Variants in TMCC1 observed in about 807,000 individuals in gnomAD.
The protein encoded by TMCC1 is transmembrane and coiled-coil domain family 1, also known as transmembrane and coiled-coil domains protein 1.
In TMCC1, 15 loss-of-function variants were observed where a neutral mutation model predicts 52.4. The observed-to-expected ratio is 0.29, with a 90% confidence interval of 0.19 to 0.44. TMCC1 has a LOEUF of 0.44. Ranked by LOEUF, TMCC1 falls within the 20% of genes least tolerant of loss-of-function variation. The pLI, the probability that TMCC1 is intolerant of heterozygous loss-of-function variation, is 1.00. For missense variants in TMCC1, 503 were observed against 806.0 expected (o/e 0.62, Z 4.55); for synonymous variants, 279 against 301.9 (o/e 0.92, Z 0.79).
At chr3:129,834,530 A>G (rs1184432097) in intron 2 of TMCC1, among the ~76,000 whole-genome samples, 1 of 152,176 alleles carries the variant, frequency 6.6e-6, no homozygotes, top group Non-Finnish European at 1.5e-5. Context: ...TTTTGACTTG[A>G]TATAACAGAA....
At chr3:129,869,118 CA>C (rs2060796359) in intron 2 of TMCC1, 1 of 151,986 alleles carries the variant, frequency 6.6e-6, no homozygotes, top group Non-Finnish European at 1.5e-5. Context: ...GGCTGGTTGC[CA>C]GGGGAACCAA....
intron 2 of TMCC1, among the ~76,000 whole-genome samples, chr3:129,866,300 A>AATATATACATATATTATATATAC (rs1577143347): frequency 2.4e-5 from 3 of 123,294 alleles, no homozygotes; most frequent in Admixed American, 8.0e-5. Flanking sequence ...CATAATATAT[A>AATATATACATATATTATATATAC]ATATATACAT....
At chr3:129,687,138 C>G (rs1489022025) in intron 4 of TMCC1, among the ~76,000 whole-genome samples, 2 of 152,066 alleles carry the variant, frequency 1.3e-5, no homozygotes, top group Non-Finnish European at 2.9e-5. Flanking sequence ...GTTGTATTTA[C>G]AAGGCTTACA....
chr3:129,655,479 A>T (rs2086612370), intron 5 of TMCC1, among the ~76,000 whole-genome samples: 1 of 152,132 alleles, frequency 6.6e-6, no homozygotes, highest in Admixed American at 6.5e-5. Context: ...AAGATAACAC[A>T]CCAATGGAAA....
intron 2 of TMCC1, among the ~76,000 whole-genome samples, chr3:129,858,694 T>G (rs1421574612): frequency 6.6e-6 from 1 of 152,150 alleles, no homozygotes; most frequent in African/African-American, 2.4e-5. Flanking sequence ...TATAAAATGT[T>G]TTCTATACTC....
At chr3:129,832,575 T>C (rs540115789) in intron 3 of TMCC1, among the ~76,000 whole-genome samples, 199 bp downstream of exon 3, 1 of 152,378 alleles carries the variant, frequency 6.6e-6, no homozygotes, top group East Asian at 1.9e-4. Context: ...GAAAAAATTA[T>C]GTTTTTAAAA....
rs553683914 is a variant in TMCC1, at chr3:129,843,346, C to CA, written c.-183-10521dup. On this transcript the variant is annotated intron_variant, in intron 2 of 6. Coordinates refer to ENST00000393238, the MANE Select transcript of TMCC1 (RefSeq NM_001017395.5). ...TAGGAGACACAGCAAGACACCGTCT[C>CA]AAAAAAAAAAGAAGGAAAAAATAAT... 9.4e-3 allele frequency among the ~76,000 whole-genome samples: 1,307 copies of CA among 138,830 alleles called. 10 individuals carry two copies. Among genetic ancestry groups the CA allele is most frequent in the Middle Eastern group, 0.018 (5 of 274 alleles). 91.1% of individuals were successfully genotyped at this position (138,830 alleles called of 152,430 possible).
At chr3:129,789,953 A>G (rs1033183226) in intron 4 of TMCC1, among the ~76,000 whole-genome samples, 1 of 152,146 alleles carries the variant, frequency 6.6e-6, no homozygotes, top group Non-Finnish European at 1.5e-5. Context: ...GATGCCACAA[A>G]CTTATTTCTC....
chr3:129,713,020 G>C (rs2048818061), intron 4 of TMCC1, among the ~76,000 whole-genome samples: 1 of 152,088 alleles, frequency 6.6e-6, no homozygotes, highest in African/African-American at 2.4e-5. Context: ...CCAGCACTTT[G>C]GGGTGCCAAG....
At chr3:129,720,926 C>T (rs949352475) in intron 4 of TMCC1, among the ~76,000 whole-genome samples, 3 of 152,132 alleles carry the variant, frequency 2.0e-5, no homozygotes, top group African/African-American at 4.8e-5. Context: ...CTCCTGACCT[C>T]AAGTGATCCT....
chr3:129,654,982 C>T lies in TMCC1; in HGVS notation c.1633G>A (p.Ala545Thr). The T allele has an allele frequency of 1.2e-6, 2 of 1,614,040 alleles. No homozygotes were observed. Among genetic ancestry groups the T allele is most frequent in the South Asian group, 1.1e-5 (1 of 91,070 alleles). Reference sequence around the variant, plus strand: ...TTCATACTAACCTGGATGTCCCGGGCCCGTTCATAGGACTGATACGCGATT... The same window carrying T: ...TTCATACTAACCTGGATGTCCCGGGTCCGTTCATAGGACTGATACGCGATT... ...EKIAYQSYER[A>T]RDIQEALEAC... Residue 545 changes from alanine (A) to threonine (T), a missense_variant, in exon 6 of 7, where the codon GCC becomes ACC. Ala to Thr is a moderately conservative substitution (Grantham distance 58). Around this residue, in one of 7 missense-constraint regions of TMCC1, gnomAD observed 121 missense variants for 193.6 expected, o/e 0.62. Coordinates refer to ENST00000393238, the MANE Select transcript of TMCC1 (RefSeq NM_001017395.5).
intron 4 of TMCC1, among the ~76,000 whole-genome samples, chr3:129,726,096 G>A (rs1409757841): frequency 6.6e-6 from 1 of 152,098 alleles, no homozygotes; most frequent in Non-Finnish European, 1.5e-5. Flanking sequence ...GGGCCAAAAG[G>A]GAATAGGCAT....
At chr3:129,827,490 C>A (rs2058708355) in intron 4 of TMCC1, among the ~76,000 whole-genome samples, 1 of 152,090 alleles carries the variant, frequency 6.6e-6, no homozygotes, top group East Asian at 1.9e-4. Context: ...CAATAAGAAA[C>A]AAAGCATCTT....
At chr3:129,684,189 C>A (rs550057334) in intron 4 of TMCC1, among the ~76,000 whole-genome samples, 2 of 152,318 alleles carry the variant, frequency 1.3e-5, no homozygotes, top group African/African-American at 4.8e-5. Context: ...GTATCTGTAA[C>A]TCCTAAAAGG....
intron 4 of TMCC1, among the ~76,000 whole-genome samples, chr3:129,772,888 C>CT (rs1425518206): frequency 1.3e-5 from 2 of 152,088 alleles, no homozygotes; most frequent in Non-Finnish European, 2.9e-5. Flanking sequence ...AAGTTACAAC[C>CT]TACTCTGTTG....
At chr3:129,677,104 A>G (rs2088520232) in intron 4 of TMCC1, among the ~76,000 whole-genome samples, 1 of 152,062 alleles carries the variant, frequency 6.6e-6, no homozygotes, top group Non-Finnish European at 1.5e-5. Flanking sequence ...TCTCTAAAAA[A>G]AAAAAAAAAA....
At chr3:129,780,843 T>TCA (rs1245988559) in intron 4 of TMCC1, among the ~76,000 whole-genome samples, 1 of 152,152 alleles carries the variant, frequency 6.6e-6, no homozygotes, top group African/African-American at 2.4e-5. Context: ...CCTAATCCCT[T>TCA]CACTTTCCAT....
chr3:129,863,029 T>C (rs1219443130), intron 2 of TMCC1, among the ~76,000 whole-genome samples: 1 of 152,210 alleles, frequency 6.6e-6, no homozygotes, highest in Non-Finnish European at 1.5e-5. Context: ...GATGTCAAGA[T>C]TCGTTTTCAT....
At chr3:129,730,634 T>TA (rs2050465949) in intron 4 of TMCC1, among the ~76,000 whole-genome samples, 1 of 152,250 alleles carries the variant, frequency 6.6e-6, no homozygotes, top group African/African-American at 2.4e-5. Context: ...TTGACTCTTC[T>TA]AGTTCTTTTG....
Sources: gnomAD v4.1 joint callset for allele counts (sites outside exome capture counted in the v4.1 genomes callset) on GRCh38, gnomAD v4.1.1 for gene constraint, gnomAD v4.1.1 regional missense constraint, MANE v1.5 for transcripts, NCBI Gene and HGNC (gene_info 2026-07-23, HGNC 2026-07-21) for gene names.